The following MCMDC2 variants were observed in gnomAD, a reference collection of about 807,000 sequenced individuals.
MCMDC2 encodes the protein minichromosome maintenance domain containing 2, also known as minichromosome maintenance domain-containing protein 2.
A neutral mutation model predicts 75.8 loss-of-function variants in MCMDC2; 54 were observed. That is an observed-to-expected ratio of 0.71 (90% CI 0.57 to 0.89). The LOEUF is 0.89. Ranked by LOEUF, MCMDC2 falls within the 40% of genes least tolerant of loss-of-function variation. MCMDC2 has a pLI of 0.00. For synonymous variants in MCMDC2, 249 were observed against 274.6 expected, an observed-to-expected ratio of 0.91 and a Z score of 0.92; for missense variants, 656 against 780.4, an observed-to-expected ratio of 0.84 and a Z score of 1.90.
intron 12 of MCMDC2, among the ~76,000 whole-genome samples, chr8:66,898,624 C>CAAA (rs1405645692): frequency 8.5e-5 from 5 of 58,610 alleles, no homozygotes; most frequent in African/African-American, 2.0e-4. Context: ...AACTCCGTCT[C>CAAA]AAAAAAAAAA....
chr8:66,878,571 C>A lies in MCMDC2; in HGVS notation c.482-3C>A. The A allele has an allele frequency of 6.4e-7, 1 of 1,569,522 alleles. No individual in the cohort carries two copies. Among genetic ancestry groups the A allele is most frequent in the Non-Finnish European group, 8.6e-7 (1 of 1,162,746 alleles). On this transcript the variant is annotated splice_polypyrimidine_tract_variant and splice_region_variant and intron_variant, in intron 5 of 14. Transcript: ENST00000422365. ...AATGTATGTTACCACTGTTTTCTTT[C>A]AGGATTTCAGTATATAAGAGTGCAT...
chr8:66,900,156 G>T (rs1490026847), intron 12 of MCMDC2, among the ~76,000 whole-genome samples: 1 of 151,428 alleles, frequency 6.6e-6, no homozygotes, highest in Admixed American at 6.6e-5. Flanking sequence ...AATAAAATAG[G>T]CTAGGCGCGG....
chr8:66,925,512 T>G (rs1050117089), downstream of MCMDC2: 3 of 152,670 alleles, frequency 2.0e-5, no homozygotes, highest in Non-Finnish European at 2.9e-5. Context: ...TCTTCGCGCT[T>G]CTTCCTCCCT....
Position 66,901,252 on chromosome 8 carries a change from C to G in MCMDC2, c.1673C>G (p.Ala558Gly). ...KNLNVEFSLE[A>G]ERMTHGYYLA... ...TTGAATGTAGAATTCAGCTTGGAAG[C>G]AGAAAGAATGACCCATGGCTATTAT... The change falls in exon 13 of 15, where the codon GCA becomes GGA. Residue 558 changes from alanine (A) to glycine (G), a missense_variant. Coordinates refer to ENST00000422365, the MANE Select transcript of MCMDC2 (RefSeq NM_173518.5). 6.2e-7 allele frequency: 1 copy of G among 1,614,006 alleles called. No individual in the cohort carries two copies. Among genetic ancestry groups the G allele is most frequent in the South Asian group, 1.1e-5 (1 of 91,052 alleles).
chr8:66,879,665 A>G (rs1453926450), intron 7 of MCMDC2, among the ~76,000 whole-genome samples: 2 of 152,240 alleles, frequency 1.3e-5, no homozygotes. Flanking sequence ...CTTAAGAATC[A>G]CAAGTCTTCT....
At chr8:66,924,918 C>T (rs1183021947), downstream of MCMDC2, among the ~76,000 whole-genome samples, 2 of 152,184 alleles carry the variant, frequency 1.3e-5, no homozygotes, top group Non-Finnish European at 2.9e-5. Context: ...AAACTGCGCT[C>T]ATTACAGTTT....
intron 12 of MCMDC2, among the ~76,000 whole-genome samples, chr8:66,900,796 T>C (rs1812622697): frequency 6.6e-6 from 1 of 152,190 alleles, no homozygotes; most frequent in African/African-American, 2.4e-5. Context: ...CGTTGTGTTC[T>C]TTAAAAGGAA....
chr8:66,896,678 TTAA>T (rs1328580565), intron 11 of MCMDC2, 99 bp from the exon 12 acceptor site: 15 of 828,558 alleles, frequency 1.8e-5, no homozygotes, highest in South Asian at 9.2e-5. Flanking sequence ...AATAATAACT[TTAA>T]TAATAACAAC....
intron 12 of MCMDC2, among the ~76,000 whole-genome samples, chr8:66,899,748 G>A (rs889256640): frequency 1.3e-5 from 2 of 151,582 alleles, no homozygotes; most frequent in African/African-American, 2.4e-5. Context: ...TACCCACCTC[G>A]GCCTCCCAAA....
At chr8:66,883,577 T>C (rs1339253073) in intron 8 of MCMDC2, among the ~76,000 whole-genome samples, 180 bp from the exon 9 acceptor site, 1 of 151,960 alleles carries the variant, frequency 6.6e-6, no homozygotes, top group Non-Finnish European at 1.5e-5. Flanking sequence ...GGGAATCAAT[T>C]GAGGCCAGGG....
rs537063006 is a variant in MCMDC2, at chr8:66,917,632, A to G, written c.1880-1371A>G. ...CTGCCTCTATGAATTTGACTATTCT[A>G]GGTACCTCATATAAGTGGAATCATA... On this transcript the variant is annotated intron_variant, in intron 14 of 14. Transcript: ENST00000422365. Among the ~76,000 whole-genome samples, 94 of 152,270 alleles carry G rather than the reference A, an allele frequency of 6.2e-4. 1 individual carries two copies. The highest frequency in any genetic ancestry group is 1.0e-3 in the Non-Finnish European group (69 of 68,014).
Position 66,920,830 on chromosome 8 carries a change from C to A in MCMDC2, c.*1661C>A, listed in dbSNP as rs969670935. On this transcript the variant is annotated 3_prime_UTR_variant, in exon 15 of 15. Transcript: ENST00000422365. ...TGGGACTACAGGGACATGCTACCACCCTGGGATAACTTCTGCATTTTTTGT... is the reference window on the plus strand; with the variant it reads ...TGGGACTACAGGGACATGCTACCACACTGGGATAACTTCTGCATTTTTTGT... The A allele has an allele frequency of 1.3e-5, 2 of 151,918 alleles. No individual in the cohort carries two copies. The highest frequency in any genetic ancestry group is 4.8e-5 in the African/African-American group (2 of 41,320). 9.4% of individuals were successfully genotyped at this position (151,918 alleles called of 1,614,324 possible).
intron 10 of MCMDC2, among the ~76,000 whole-genome samples, chr8:66,894,837 C>T (rs1812269620): frequency 6.6e-6 from 1 of 152,216 alleles, no homozygotes; most frequent in Non-Finnish European, 1.5e-5. Flanking sequence ...ACTATTACCA[C>T]TAACTTCAGA....
Position 66,896,922 on chromosome 8 carries a change from C to A in MCMDC2, c.1589C>A (p.Ala530Glu), listed in dbSNP as rs142662778. 97 of 1,610,826 alleles carry A rather than the reference C, an allele frequency of 6.0e-5. No individual in the cohort carries two copies. In the East Asian group the frequency reaches 2.1e-3, roughly 35 times the overall value. Residue 530 changes from alanine (A) to glutamate (E), a missense_variant, in exon 12 of 15, where the codon GCG (alanine) becomes GAG (glutamate). By Grantham distance (107) the Ala-to-Glu change is moderately radical. Transcript: ENST00000422365. ...KAINPEGLFY[A>E]ASRQFTTEDF... ...ATTAATCCTGAAGGGCTGTTTTATG[C>A]GGCTTCTAGACAGTTCACAACTGAA...
intron 9 of MCMDC2, 67 bp from the exon 10 acceptor site, chr8:66,890,798 A>T: frequency 7.5e-7 from 1 of 1,340,334 alleles, no homozygotes; most frequent in Non-Finnish European, 1.0e-6. Context: ...GAATAAAATT[A>T]AATTTAATAC....
intron 10 of MCMDC2, among the ~76,000 whole-genome samples, chr8:66,892,482 G>GGTC (rs1812155086): frequency 6.6e-6 from 1 of 152,342 alleles, no homozygotes; most frequent in East Asian, 1.9e-4. Flanking sequence ...GAGTTTTATT[G>GGTC]CATGGCAGAA....
chr8:66,910,834 C>T (rs537563468), intron 14 of MCMDC2, among the ~76,000 whole-genome samples: 55 of 152,106 alleles, frequency 3.6e-4, no homozygotes, highest in Non-Finnish European at 6.5e-4. Flanking sequence ...ATTACTGCCT[C>T]GCTGGATTTT....
chr8:66,880,714 A>G (rs1346108965), intron 7 of MCMDC2, 135 bp from the exon 8 acceptor site: 53 of 878,742 alleles, frequency 6.0e-5, no homozygotes, highest in Non-Finnish European at 7.9e-5. Flanking sequence ...CTATATGGAT[A>G]TTATCCTAAA....
intron 14 of MCMDC2, among the ~76,000 whole-genome samples, chr8:66,916,632 A>T (rs1269713639): frequency 6.6e-6 from 1 of 152,038 alleles, no homozygotes; most frequent in Non-Finnish European, 1.5e-5. Flanking sequence ...TGAGGGGCAA[A>T]GGAGTGGAGG....
Sources: allele counts gnomAD v4.1 joint callset (sites outside exome capture counted in the v4.1 genomes callset), GRCh38; gene constraint gnomAD v4.1.1; transcripts MANE v1.5; gene names NCBI Gene and HGNC (gene_info 2026-07-23, HGNC 2026-07-21).